SLC22A9: variants seen among roughly 807,000 people sequenced by gnomAD.
SLC22A9 encodes solute carrier family 22 member 9.
SLC22A9 carries 64 observed loss-of-function variants against 50.1 expected under a neutral mutation model. The observed-to-expected ratio is 1.28, with a 90% CI of 1.04 to 1.57. SLC22A9 has a LOEUF of 1.57. Ranked by LOEUF, SLC22A9 falls within the 40% of genes most tolerant of loss-of-function variation. The probability of loss-of-function intolerance (pLI) is 0.00; values close to 1 mark genes in which losing one functional copy is unlikely to be tolerated. For synonymous variants in SLC22A9, 261 were observed against 242.5 expected (o/e 1.08, Z -0.71); for missense variants, 757 against 676.1 (o/e 1.12, Z -1.33).
At chr11:63,373,605 G>T in intron 2 of SLC22A9, 39 bp from the exon 3 acceptor site, 1 of 1,477,160 alleles carries the variant, frequency 6.8e-7, no homozygotes, top group Non-Finnish European at 8.9e-7. Flanking sequence ...TCCACTTGTT[G>T]TTATTGTTCC....
rs2015123425 is a variant in SLC22A9 at position 63,410,281 on chromosome 11, G to GAAAGAAAGAAAGAAAGAAAGAAAC, written c.*422_*423insGAAAGAAAGAAAGAAAGAAACAAA. 1 of 118,550 alleles carries GAAAGAAAGAAAGAAAGAAAGAAAC rather than the reference G, an allele frequency of 8.4e-6. No individual in the cohort carries two copies. The highest frequency in any genetic ancestry group is 1.7e-5 in the Non-Finnish European group (1 of 57,560). 7.3% of individuals were successfully genotyped at this position (118,550 alleles called of 1,614,324 possible). ...AAAAAGAAAGAAGGAAAGAAAGAAA[G>GAAAGAAAGAAAGAAAGAAAGAAAC]AAAAGAAAAGAAATAACAAGATATA... On this transcript the variant is annotated 3_prime_UTR_variant, in exon 10 of 10. Coordinates refer to ENST00000279178, the MANE Select transcript of SLC22A9 (RefSeq NM_080866.3).
At chr11:63,390,186 C>A (rs1287338094) in intron 6 of SLC22A9, among the ~76,000 whole-genome samples, 1 of 152,084 alleles carries the variant, frequency 6.6e-6, no homozygotes, top group Non-Finnish European at 1.5e-5. Context: ...TTGATTAGAT[C>A]CCATTTGTCA....
chr11:63,409,828 A>C lies in SLC22A9; in HGVS notation c.1628A>C (p.Gln543Pro). Residue 543 changes from glutamine (Q) to proline (P), a missense_variant, in exon 10 of 10, where the codon CAA (glutamine) becomes CCA (proline). Coordinates refer to ENST00000279178, the MANE Select transcript of SLC22A9 (RefSeq NM_080866.3). ...AGAAAAGACCCCAGAGAACCAAAGCAAGAGGATCCGAGAGTGGAAGTGACG... is the reference window on the plus strand; with the variant it reads ...AGAAAAGACCCCAGAGAACCAAAGCCAGAGGATCCGAGAGTGGAAGTGACG... Reference protein sequence around the residue: ...NERKDPREPKQEDPRVEVTQF With the variant: ...NERKDPREPKPEDPRVEVTQF 6.2e-7 allele frequency: 1 copy of C among 1,613,734 alleles called. No homozygotes were observed. The highest frequency in any genetic ancestry group is 1.1e-5 in the South Asian group (1 of 91,072).
intron 7 of SLC22A9, among the ~76,000 whole-genome samples, chr11:63,407,638 T>C (rs2015063026): frequency 6.6e-6 from 1 of 152,178 alleles, no homozygotes; most frequent in Admixed American, 6.6e-5. Flanking sequence ...TCTCCTAACA[T>C]AGACCTCCTG....
At chr11:63,382,370 A>T (rs2014581041) in intron 6 of SLC22A9, 93 bp downstream of exon 6, 1 of 863,476 alleles carries the variant, frequency 1.2e-6, no homozygotes, top group Non-Finnish European at 1.8e-6. Context: ...TAGGAAACAG[A>T]TTTGCACATA....
chr11:63,395,462 G>T (rs912919055), intron 6 of SLC22A9, among the ~76,000 whole-genome samples: 8 of 152,100 alleles, frequency 5.3e-5, no homozygotes, highest in Non-Finnish European at 1.0e-4. Context: ...CTTCCTGAGA[G>T]CTGAGCTGCA....
rs539836243 is a variant in SLC22A9 at position 63,409,730 on chromosome 11, C to A, written c.1602-72C>A. The A allele has an allele frequency of 4.2e-6, 6 of 1,423,134 alleles. No homozygotes were observed. In the Admixed American group the frequency reaches 5.5e-5, roughly 13 times the overall value. 88.2% of individuals were successfully genotyped at this position (1,423,134 alleles called of 1,614,324 possible). A position where few individuals can be genotyped will look rare whatever the true frequency, so the allele number is the denominator to read the frequency against. On this transcript the variant is annotated intron_variant, in intron 9 of 9. Coordinates refer to ENST00000279178, the MANE Select transcript of SLC22A9 (RefSeq NM_080866.3). The stretch of plus-strand genomic sequence containing the variant: ...AAGAATCAACATTCCTTAAAGAATG[C>A]GGGACTTACATGTTTAGTCCATGTC...
At chr11:63,391,049 A>G (rs1284296396) in intron 6 of SLC22A9, among the ~76,000 whole-genome samples, 4 of 152,046 alleles carry the variant, frequency 2.6e-5, no homozygotes, top group African/African-American at 9.7e-5. Context: ...AGAAACTTTT[A>G]AACTTCCTTC....
intron 6 of SLC22A9, among the ~76,000 whole-genome samples, chr11:63,405,996 T>G (rs1215861841): frequency 1.3e-5 from 2 of 152,202 alleles, no homozygotes; most frequent in African/African-American, 4.8e-5. Context: ...CAGTTCTCTT[T>G]GTCACTTACT....
intron 6 of SLC22A9, among the ~76,000 whole-genome samples, chr11:63,386,554 G>A (rs552772736): frequency 6.8e-6 from 1 of 146,198 alleles, no homozygotes; most frequent in African/African-American, 2.5e-5. Context: ...AGTCTTAGGA[G>A]GGTGTATGTG....
chr11:63,373,857 C>A (rs763496582), intron 3 of SLC22A9, 37 bp from the exon 4 acceptor site: 2 of 1,607,242 alleles, frequency 1.2e-6, no homozygotes, highest in Non-Finnish European at 1.7e-6. Context: ...TGAAACTCCA[C>A]CTTTGAAGTC....
At chr11:63,400,549 A>T (rs2014935408) in intron 6 of SLC22A9, among the ~76,000 whole-genome samples, 1 of 152,092 alleles carries the variant, frequency 6.6e-6, no homozygotes, top group Admixed American at 6.5e-5. Flanking sequence ...AACAATCTAG[A>T]ACCTGATAGC....
rs777127560 is a variant in SLC22A9, at chr11:63,406,523, G to T, written c.1100G>T (p.Gly367Val). ...TRFANFMAYFGLNLHVQHLGN... is the reference protein window; with the variant it reads ...TRFANFMAYFVLNLHVQHLGN... ...TTTGCAAACTTTATGGCCTATTTTG[G>T]CCTTAATCTCCATGTCCAGCATCTG... Residue 367 changes from glycine to valine, a missense_variant, in exon 7 of 10, where the codon GGC (glycine) becomes GTC (valine). Physicochemically the swap from Gly to Val is moderately radical, Grantham distance 109. Coordinates refer to ENST00000279178, the MANE Select transcript of SLC22A9 (RefSeq NM_080866.3). 41 of 1,613,402 alleles carry T rather than the reference G, an allele frequency of 2.5e-5. No individual in the cohort carries two copies. Among genetic ancestry groups the T allele is most frequent in the Non-Finnish European group, 3.5e-5 (41 of 1,179,714 alleles).
chr11:63,397,825 A>C (rs1288640472), intron 6 of SLC22A9, among the ~76,000 whole-genome samples: 1 of 152,060 alleles, frequency 6.6e-6, no homozygotes, highest in Non-Finnish European at 1.5e-5. Flanking sequence ...GCCATCCAAG[A>C]GCCCAGGCTT....
At chr11:63,384,132 GA>G (rs1166765129) in intron 6 of SLC22A9, among the ~76,000 whole-genome samples, 1 of 152,098 alleles carries the variant, frequency 6.6e-6, no homozygotes, top group Non-Finnish European at 1.5e-5. Flanking sequence ...ATAAATCAGG[GA>G]GTAGATGAAG....
chr11:63,397,783 G>T (rs1408440817), intron 6 of SLC22A9, among the ~76,000 whole-genome samples: 1 of 152,084 alleles, frequency 6.6e-6, no homozygotes, highest in Non-Finnish European at 1.5e-5. Context: ...AGGGAAATGG[G>T]CTTCCCTCTG....
chr11:63,372,000 C>A (rs1427759429), intron 2 of SLC22A9, among the ~76,000 whole-genome samples: 1 of 152,096 alleles, frequency 6.6e-6, no homozygotes, highest in Non-Finnish European at 1.5e-5. Context: ...GAATGTACGA[C>A]AGGAAATGGA....
Position 63,373,622 on chromosome 11 carries a change from C to G in SLC22A9, c.507-22C>G, listed in dbSNP as rs1428772037. The G allele has an allele frequency of 2.0e-6, 3 of 1,514,042 alleles. No individual in the cohort carries two copies. The South Asian group carries it at 4.1e-5, about 21-fold the overall frequency. 93.8% of individuals were successfully genotyped at this position (1,514,042 alleles called of 1,614,324 possible). A position where few individuals can be genotyped will look rare whatever the true frequency, so the allele number is the denominator to read the frequency against. On this transcript the variant is annotated intron_variant, in intron 2 of 9. Coordinates refer to ENST00000279178, the MANE Select transcript of SLC22A9 (RefSeq NM_080866.3). ...CACTTGTTGTTATTGTTCCCATTAT[C>G]TAACCTGTTTCTGTTTCTCAGGTTT...
At position 63,389,916 on chromosome 11, in the gene SLC22A9, A is replaced by G. The variant is rs143594051; in HGVS notation, c.1073+7639A>G. On this transcript the variant is annotated intron_variant, in intron 6 of 9. Coordinates refer to ENST00000279178, the MANE Select transcript of SLC22A9 (RefSeq NM_080866.3). Reference sequence around the variant, plus strand: ...GTATCTCATTGTGGTTTTGATTTACATTTGTCTAATGACCAGTGATGATAA... The same window carrying G: ...GTATCTCATTGTGGTTTTGATTTACGTTTGTCTAATGACCAGTGATGATAA... Among the ~76,000 whole-genome samples, 383 of 152,260 alleles carry G rather than the reference A, an allele frequency of 2.5e-3. 1 individual carries two copies. The highest frequency in any genetic ancestry group is 8.6e-3 in the African/African-American group (359 of 41,540).
Sources: gnomAD v4.1 joint callset for allele counts (sites outside exome capture counted in the v4.1 genomes callset) on GRCh38, gnomAD v4.1.1 for gene constraint, MANE v1.5 for transcripts, NCBI Gene and HGNC (gene_info 2026-07-23, HGNC 2026-07-21) for gene names.